Variants in PDE4D observed in about 807,000 individuals in gnomAD.
PDE4D encodes the protein 3',5'-cyclic-AMP phosphodiesterase 4D.
In PDE4D, 24 loss-of-function variants were observed where a neutral mutation model predicts 87.4. That is an observed-to-expected ratio of 0.27 (90% CI 0.20 to 0.39). PDE4D has a LOEUF of 0.39. PDE4D is among the 10% of genes least tolerant of loss of function. The pLI, the probability that PDE4D is intolerant of heterozygous loss-of-function variation, is 1.00. For missense variants in PDE4D, 714 were observed against 1,041.0 expected (o/e 0.69, Z 4.32); for synonymous variants, 384 against 383.2 (o/e 1.00, Z -0.02).
chr5:60,516,633 A>G (rs1750813170), intron 1 of PDE4D, among the ~76,000 whole-genome samples: 1 of 152,248 alleles, frequency 6.6e-6, no homozygotes, highest in Admixed American at 6.5e-5. Context: ...TCACAACAAT[A>G]TGTAAAAGAT....
chr5:59,848,639 C>A (rs553106548), intron 1 of PDE4D, among the ~76,000 whole-genome samples: 7 of 151,846 alleles, frequency 4.6e-5, no homozygotes, highest in Admixed American at 4.6e-4. Flanking sequence ...CCTATAATAA[C>A]GGTATTAAGA....
chr5:59,163,514 G>C (rs781623108), intron 5 of PDE4D, among the ~76,000 whole-genome samples: 2 of 151,796 alleles, frequency 1.3e-5, no homozygotes, highest in African/African-American at 4.8e-5. Context: ...CAGGTGATCC[G>C]CCCCTCCTTG....
chr5:58,999,573 A>T, intron 6 of PDE4D: 1 of 1,144,108 alleles, frequency 8.7e-7, no homozygotes, highest in Non-Finnish European at 1.1e-6. Flanking sequence ...ATATATGTAT[A>T]TATATAGTAA....
At chr5:59,253,814 C>T (rs1760448731) in intron 1 of PDE4D, among the ~76,000 whole-genome samples, 1 of 152,084 alleles carries the variant, frequency 6.6e-6, no homozygotes, top group African/African-American at 2.4e-5. Flanking sequence ...CCCTCTATGG[C>T]ACCCTAGAAG....
At chr5:59,114,169 A>C (rs1159622830) in intron 5 of PDE4D, among the ~76,000 whole-genome samples, 1 of 151,398 alleles carries the variant, frequency 6.6e-6, no homozygotes, top group Non-Finnish European at 1.5e-5. Flanking sequence ...TGATGCAGAA[A>C]AATTTTTTTT....
intron 1 of PDE4D, among the ~76,000 whole-genome samples, chr5:60,254,858 G>T (rs764376972): frequency 1.3e-5 from 2 of 151,832 alleles, no homozygotes; most frequent in Non-Finnish European, 2.9e-5. Context: ...AATTAAATGA[G>T]AAAGCATGCA....
chr5:60,106,656 G>A (rs1192145749), intron 2 of PDE4D, among the ~76,000 whole-genome samples: 35 of 151,888 alleles, frequency 2.3e-4, no homozygotes, highest in African/African-American at 7.3e-4. Flanking sequence ...ATAACAAACT[G>A]TCTCTCAGAC....
intron 1 of PDE4D, among the ~76,000 whole-genome samples, chr5:60,262,198 T>A (rs1749715817): frequency 6.6e-6 from 1 of 152,152 alleles, no homozygotes. Flanking sequence ...CAATGTAGAA[T>A]GGTTAGTCAA....
At chr5:59,923,199 C>T (rs1054712298) in intron 3 of PDE4D, among the ~76,000 whole-genome samples, 2 of 152,146 alleles carry the variant, frequency 1.3e-5, no homozygotes, top group African/African-American at 4.8e-5. Context: ...TAAAATAGAA[C>T]ACCAGGTAGC....
intron 1 of PDE4D, among the ~76,000 whole-genome samples, chr5:59,721,881 A>T (rs1371011843): frequency 1.3e-5 from 2 of 152,160 alleles, no homozygotes; most frequent in African/African-American, 4.8e-5. Flanking sequence ...GTGTCTTCAC[A>T]TTCCCAATGG....
At chr5:60,257,866 A>G (rs1232668274) in intron 1 of PDE4D, among the ~76,000 whole-genome samples, 1 of 151,988 alleles carries the variant, frequency 6.6e-6, no homozygotes, top group Non-Finnish European at 1.5e-5. Context: ...AAGGAGTCAC[A>G]GACAAGCTGT....
At chr5:60,478,940 G>C (rs983992944) in intron 1 of PDE4D, among the ~76,000 whole-genome samples, 7 of 152,172 alleles carry the variant, frequency 4.6e-5, no homozygotes, top group Non-Finnish European at 1.0e-4. Context: ...AATATGCGCT[G>C]TAGAGCCTTC....
chr5:60,496,176 T>G (rs775934568), intron 1 of PDE4D, among the ~76,000 whole-genome samples: 98 of 152,322 alleles, frequency 6.4e-4, no homozygotes, highest in Middle Eastern at 3.4e-3. Flanking sequence ...GGGATGGCCG[T>G]TCAGGAAATC....
At chr5:59,771,489 G>A (rs1320739971) in intron 1 of PDE4D, among the ~76,000 whole-genome samples, 199 of 39,482 alleles carry the variant, frequency 5.0e-3, no homozygotes, top group Non-Finnish European at 7.0e-3. Context: ...AAGAAAGAGA[G>A]AGAGAGAGAG....
In PDE4D at chr5:59,808,432, A is replaced by G. The variant is rs571009263; in HGVS notation, c.455+84736T>C. On this transcript the variant is annotated intron_variant, in intron 1 of 14. Coordinates refer to ENST00000340635, the MANE Select transcript of PDE4D (RefSeq NM_001104631.2). ...TTTAACATACAAGTGTTTAACCCAG[A>G]GCTCTTTGATTTCTCCTGGTAGGTG... is the stretch of plus-strand genomic sequence containing the variant. Among the ~76,000 whole-genome samples the G allele has an allele frequency of 8.5e-5, 13 of 152,312 alleles. No homozygotes were observed. The South Asian group carries it at 2.3e-3, about 27-fold the overall frequency.
intron 1 of PDE4D, among the ~76,000 whole-genome samples, chr5:59,869,097 G>C (rs1384993842): frequency 6.6e-6 from 1 of 152,122 alleles, no homozygotes; most frequent in East Asian, 1.9e-4. Flanking sequence ...AGAAAAACAA[G>C]CCTGCAACCT....
intron 2 of PDE4D, among the ~76,000 whole-genome samples, chr5:60,014,944 C>T (rs1765371242): frequency 1.3e-5 from 2 of 152,126 alleles, no homozygotes; most frequent in Admixed American, 1.3e-4. Context: ...GGATCCTTTT[C>T]AGGAAACCTA....
chr5:59,768,183 C>T lies in PDE4D; in HGVS notation c.455+124985G>A, dbSNP rs187708164. On this transcript the variant is annotated intron_variant, in intron 1 of 14. Transcript: ENST00000340635. ...CCCTCCCTACCCCCAAAATTAAAGGCGCGAGAGCAGGACTCCCTGAAGGGA... is the reference window on the plus strand; with the variant it reads ...CCCTCCCTACCCCCAAAATTAAAGGTGCGAGAGCAGGACTCCCTGAAGGGA... 119 of 1,566,384 alleles carry T rather than the reference C, an allele frequency of 7.6e-5. No homozygotes were observed. In the East Asian group the frequency reaches 2.6e-3, roughly 34 times the overall value.
intron 1 of PDE4D, among the ~76,000 whole-genome samples, chr5:59,721,089 A>G (rs1190524276): frequency 6.6e-6 from 1 of 152,148 alleles, no homozygotes; most frequent in Non-Finnish European, 1.5e-5. Flanking sequence ...TAACACTTTC[A>G]GATTTATGTT....
Sources: allele counts gnomAD v4.1 joint callset (sites outside exome capture counted in the v4.1 genomes callset), GRCh38; gene constraint gnomAD v4.1.1; transcripts MANE v1.5; gene names NCBI Gene and HGNC (gene_info 2026-07-23, HGNC 2026-07-21).